DLG2: variants seen among roughly 807,000 people sequenced by gnomAD.
DLG2 encodes the protein disks large homolog 2.
Under a neutral mutation model 132.5 loss-of-function variants are expected in DLG2, and 45 were observed. The observed-to-expected ratio is 0.34, with a 90% CI of 0.27 to 0.44. DLG2 has a LOEUF of 0.44. Among genes scored for constraint, DLG2 ranks in the 20% least tolerant of loss-of-function variants. The pLI is 1.00. For missense variants in DLG2, 1,045 were observed against 1,196.9 expected (o/e 0.87, Z 1.87); for synonymous variants, 424 against 419.6 (o/e 1.01, Z -0.13).
At chr11:84,466,804 C>T (rs937198192) in intron 7 of DLG2, among the ~76,000 whole-genome samples, 5 of 151,182 alleles carry the variant, frequency 3.3e-5, no homozygotes, top group Non-Finnish European at 5.9e-5. Context: ...TCTGTAAATA[C>T]AAAACAGCGT....
intron 18 of DLG2, among the ~76,000 whole-genome samples, chr11:83,719,610 G>A (rs1042626057): frequency 4.6e-5 from 7 of 152,048 alleles, no homozygotes; most frequent in Non-Finnish European, 1.0e-4. Flanking sequence ...GGCCCTTTTT[G>A]GCAACCAGCT....
chr11:85,207,063 G>A (rs1281806403), intron 4 of DLG2, among the ~76,000 whole-genome samples: 1 of 152,068 alleles, frequency 6.6e-6, no homozygotes, highest in African/African-American at 2.4e-5. Context: ...ACTTGTCAGT[G>A]ATATTCAATT....
At chr11:84,610,072 T>C (rs1037666099) in intron 6 of DLG2, among the ~76,000 whole-genome samples, 8 of 152,098 alleles carry the variant, frequency 5.3e-5, no homozygotes, top group Admixed American at 5.2e-4. Flanking sequence ...GTAGCAATAT[T>C]AATAATAGCA....
intron 6 of DLG2, among the ~76,000 whole-genome samples, chr11:84,784,011 G>A (rs1023381087): frequency 1.3e-5 from 2 of 151,478 alleles, no homozygotes; most frequent in African/African-American, 4.9e-5. Context: ...AAAAATAAGG[G>A]TATAGGCTGG....
At chr11:84,047,041 G>A (rs1051557182) in intron 11 of DLG2, among the ~76,000 whole-genome samples, 2 of 151,546 alleles carry the variant, frequency 1.3e-5, no homozygotes, top group African/African-American at 4.8e-5. Context: ...TGGTCCATGA[G>A]TTGAGGAACC....
intron 2 of DLG2, among the ~76,000 whole-genome samples, chr11:85,618,709 C>T (rs966945511): frequency 2.6e-5 from 4 of 152,160 alleles, no homozygotes; most frequent in Non-Finnish European, 4.4e-5. Flanking sequence ...ACACAATATA[C>T]TCATGTAACA....
chr11:84,233,291 TA>T (rs1230731818), intron 8 of DLG2, among the ~76,000 whole-genome samples: 1 of 152,184 alleles, frequency 6.6e-6, no homozygotes, highest in Non-Finnish European at 1.5e-5. Context: ...AGAAATTGTT[TA>T]GGCAGATAGT....
intron 4 of DLG2, among the ~76,000 whole-genome samples, chr11:85,265,718 GC>G (rs1429002978): frequency 1.3e-5 from 2 of 152,148 alleles, no homozygotes; most frequent in African/African-American, 4.8e-5. Flanking sequence ...ATAGCTTGCT[GC>G]ACCCACCATC....
Position 85,506,357 on chromosome 11 carries a change from C to T in DLG2, c.40+92300G>A, listed in dbSNP as rs901622069. Among the ~76,000 whole-genome samples, 62 of 152,120 alleles carry T rather than the reference C, an allele frequency of 4.1e-4. 2 individuals are homozygous for T. Among genetic ancestry groups the T allele is most frequent in the Admixed American group, 9.8e-4 (15 of 15,232 alleles). ...TACTTTCTCTAGTGGGCATTTAGTG[C>T]TATAAATTTCCCTCTACACACTGCT... On this transcript the variant is annotated intron_variant, in intron 3 of 27. Coordinates refer to ENST00000376104, the MANE Select transcript of DLG2 (RefSeq NM_001142699.3).
chr11:84,955,787 T>G (rs376463615), intron 6 of DLG2: 1 of 152,192 alleles, frequency 6.6e-6, no homozygotes, highest in African/African-American at 2.4e-5. Context: ...TACTAGCTCA[T>G]AGAGATAACA....
At chr11:84,918,592 G>A (rs1012928401) in intron 6 of DLG2, among the ~76,000 whole-genome samples, 2 of 152,128 alleles carry the variant, frequency 1.3e-5, no homozygotes, top group African/African-American at 4.8e-5. Flanking sequence ...CATGATAAAT[G>A]TCTGAATTCT....
At chr11:83,480,648 A>ATCTT in intron 22 of DLG2, 1 of 1,551,362 alleles carries the variant, frequency 6.4e-7, no homozygotes, top group Non-Finnish European at 8.7e-7. Context: ...TGAAGAAAGT[A>ATCTT]TCTTTAATTA....
intron 8 of DLG2, among the ~76,000 whole-genome samples, chr11:84,205,232 G>A (rs184236865): frequency 1.6e-3 from 248 of 152,236 alleles, no homozygotes; most frequent in African/African-American, 5.4e-3. Context: ...TAAAGCTTCA[G>A]AATAGAAGGA....
chr11:83,875,986 C>A (rs2064697342), intron 15 of DLG2, among the ~76,000 whole-genome samples: 1 of 152,130 alleles, frequency 6.6e-6, no homozygotes, highest in South Asian at 2.1e-4. Context: ...TTCCTGGTAT[C>A]CCTCACAGTG....
At chr11:83,581,908 C>A (rs2096983170) in intron 19 of DLG2, among the ~76,000 whole-genome samples, 1 of 127,714 alleles carries the variant, frequency 7.8e-6, no homozygotes, top group Non-Finnish European at 1.7e-5. Flanking sequence ...TTCTACTTTT[C>A]ATTTTGATGT....
intron 7 of DLG2, among the ~76,000 whole-genome samples, chr11:84,430,234 G>C (rs189673257): frequency 2.0e-5 from 3 of 152,114 alleles, no homozygotes; most frequent in Admixed American, 1.3e-4. Context: ...TCAGGAGATC[G>C]AGACCATCCT....
At chr11:84,114,337 G>T (rs955125786) in intron 9 of DLG2, among the ~76,000 whole-genome samples, 2 of 152,072 alleles carry the variant, frequency 1.3e-5, no homozygotes, top group Non-Finnish European at 2.9e-5. Flanking sequence ...TTGATACATT[G>T]GAAGGGCTCA....
At chr11:84,493,751 G>T (rs919357568) in intron 7 of DLG2, among the ~76,000 whole-genome samples, 8 of 151,956 alleles carry the variant, frequency 5.3e-5, no homozygotes, top group Non-Finnish European at 8.8e-5. Context: ...TACTTTTATA[G>T]GTCCCTGATA....
chr11:84,849,877 T>C (rs933877367), intron 6 of DLG2, among the ~76,000 whole-genome samples: 2 of 152,170 alleles, frequency 1.3e-5, no homozygotes, highest in African/African-American at 2.4e-5. Flanking sequence ...GGTTTTGGCA[T>C]GTAGTTGGCA....
Sources: gnomAD v4.1 joint callset for allele counts (sites outside exome capture counted in the v4.1 genomes callset) on GRCh38, gnomAD v4.1.1 for gene constraint, MANE v1.5 for transcripts, NCBI Gene and HGNC (gene_info 2026-07-23, HGNC 2026-07-21) for gene names.